IGSF11: variants seen among roughly 807,000 people sequenced by gnomAD.
IGSF11 encodes CXADR like 1.
In IGSF11, 22 loss-of-function variants were observed where a neutral mutation model predicts 41.0. That is an observed-to-expected ratio of 0.54 (90% CI 0.38 to 0.77). The LOEUF (loss-of-function observed/expected upper bound fraction) is 0.77, where lower values mean the gene tolerates loss of function less well. Among genes scored for constraint, IGSF11 ranks in the 30% least tolerant of loss-of-function variants. The pLI is 0.00. For synonymous variants in IGSF11, 219 were observed against 201.3 expected, an observed-to-expected ratio of 1.09 and a Z score of -0.74; for missense variants, 444 against 530.8, an observed-to-expected ratio of 0.84 and a Z score of 1.61.
At chr3:118,994,335 A>G (rs1286800606) in intron 1 of IGSF11, among the ~76,000 whole-genome samples, 1 of 152,178 alleles carries the variant, frequency 6.6e-6, no homozygotes, top group African/African-American at 2.4e-5. Context: ...ATAATTGGCT[A>G]AGGACTACCT....
At chr3:119,037,146 G>A (rs1940946473), upstream of IGSF11, among the ~76,000 whole-genome samples, 1 of 152,174 alleles carries the variant, frequency 6.6e-6, no homozygotes, top group African/African-American at 2.4e-5. Flanking sequence ...TAGTAATGAT[G>A]AGTTTCACCA....
upstream of IGSF11, among the ~76,000 whole-genome samples, chr3:119,035,901 A>C (rs1940871381): frequency 1.3e-5 from 2 of 152,200 alleles, no homozygotes; most frequent in Admixed American, 1.3e-4. Flanking sequence ...TCAGAAATTG[A>C]GCCCTCATCT....
chr3:118,911,245 G>C (rs1940242083), intron 4 of IGSF11, among the ~76,000 whole-genome samples: 1 of 151,000 alleles, frequency 6.6e-6, no homozygotes, highest in Non-Finnish European at 1.5e-5. Flanking sequence ...TTTGCTTCAT[G>C]TCAGAGGGCA....
upstream of IGSF11, among the ~76,000 whole-genome samples, chr3:119,039,763 C>T (rs551685015): frequency 5.9e-5 from 9 of 152,306 alleles, no homozygotes; most frequent in South Asian, 6.2e-4. Flanking sequence ...TCTTTCCCTA[C>T]GTTTTTGTAT....
intron 2 of IGSF11, among the ~76,000 whole-genome samples, chr3:118,929,180 ATCAAAGTT>A (rs374075620): frequency 3.3e-5 from 5 of 152,324 alleles, no homozygotes; most frequent in African/African-American, 1.2e-4. Flanking sequence ...AGCCTCTACT[ATCAAAGTT>A]AAGTCTTCAT....
chr3:119,094,251 A>AAAAAAAAT (rs2076812553), intron 1 of IGSF11, among the ~76,000 whole-genome samples: 1 of 125,966 alleles, frequency 7.9e-6, no homozygotes, highest in Non-Finnish European at 1.7e-5. Context: ...AAAAAAAAAA[A>AAAAAAAAT]GTTGTTGTTC....
intron 1 of IGSF11, among the ~76,000 whole-genome samples, chr3:118,945,592 A>C (rs1306746904): frequency 2.0e-5 from 3 of 152,230 alleles, no homozygotes; most frequent in Non-Finnish European, 4.4e-5. Flanking sequence ...GCAAGGAAAG[A>C]ATAGAGGAAG....
At position 119,050,165 on chromosome 3, in the gene IGSF11, A is replaced by C. The variant is rs1419569038; in HGVS notation, c.49+54979T>G. ...TTGACAAATGGGACCTAATTAAACT[A>C]AAGAGCTTCTGCACAGCAAAAGAAG... On this transcript the variant is annotated intron_variant, in intron 1 of 6. Transcript: ENST00000354673. 3.8e-4 allele frequency among the ~76,000 whole-genome samples: 58 copies of C among 151,526 alleles called. 2 individuals carry two copies. Among genetic ancestry groups the C allele is most frequent in the Non-Finnish European group, 6.2e-4 (42 of 67,744 alleles).
At chr3:119,019,013 T>C (rs1939022962) in intron 1 of IGSF11, among the ~76,000 whole-genome samples, 1 of 152,214 alleles carries the variant, frequency 6.6e-6, no homozygotes, top group African/African-American at 2.4e-5. Context: ...CAAATCCAAG[T>C]ATTTTTAAAA....
chr3:119,003,539 C>T (rs1412505582), intron 1 of IGSF11, among the ~76,000 whole-genome samples: 1 of 151,058 alleles, frequency 6.6e-6, no homozygotes, highest in Non-Finnish European at 1.5e-5. Context: ...AGAGGGCATC[C>T]CTGTTTTCAA....
chr3:119,059,047 C>T (rs1286631056), intron 1 of IGSF11, among the ~76,000 whole-genome samples: 2 of 151,466 alleles, frequency 1.3e-5, no homozygotes, highest in African/African-American at 2.4e-5. Flanking sequence ...GTGGGTGCAG[C>T]GCACCAACAT....
intron 1 of IGSF11, among the ~76,000 whole-genome samples, chr3:119,057,897 T>G (rs973776105): frequency 2.0e-5 from 3 of 152,168 alleles, no homozygotes; most frequent in Non-Finnish European, 4.4e-5. Flanking sequence ...TAATAAATGG[T>G]GCTGGGAAAA....
At chr3:119,094,553 AAG>A (rs947787503) in intron 1 of IGSF11, among the ~76,000 whole-genome samples, 60 of 152,276 alleles carry the variant, frequency 3.9e-4, no homozygotes, top group African/African-American at 1.0e-3. Flanking sequence ...GGGTGGAACA[AAG>A]AGAGAAACTG....
intron 1 of IGSF11, among the ~76,000 whole-genome samples, chr3:118,953,455 A>G (rs1380605986): frequency 6.6e-6 from 1 of 152,108 alleles, no homozygotes; most frequent in African/African-American, 2.4e-5. Context: ...ACTTTTATTA[A>G]TAGTTATTTA....
At chr3:118,906,404 T>C (rs567037522) in intron 4 of IGSF11, among the ~76,000 whole-genome samples, 3 of 152,138 alleles carry the variant, frequency 2.0e-5, no homozygotes, top group Non-Finnish European at 4.4e-5. Flanking sequence ...TTTATGGAAG[T>C]GTCCACCAGG....
At chr3:119,085,349 C>A (rs2076653249) in intron 1 of IGSF11, among the ~76,000 whole-genome samples, 2 of 152,200 alleles carry the variant, frequency 1.3e-5, no homozygotes, top group South Asian at 4.1e-4. Context: ...CTGTACAAAG[C>A]TTTAGCCCTC....
intron 2 of IGSF11, 68 bp from the exon 3 acceptor site, chr3:118,928,784 T>C (rs1247483746): frequency 5.2e-6 from 6 of 1,161,566 alleles, no homozygotes; most frequent in African/African-American, 1.5e-5. Flanking sequence ...CAATAACTAT[T>C]TGGTAGACAG....
At chr3:118,975,488 G>T (rs1462125958) in intron 1 of IGSF11, among the ~76,000 whole-genome samples, 3 of 152,094 alleles carry the variant, frequency 2.0e-5, no homozygotes. Context: ...ATTTGTGAGG[G>T]GGTCTTTAAT....
chr3:119,008,214 A>C (rs1041084963), intron 1 of IGSF11, among the ~76,000 whole-genome samples: 17 of 134,096 alleles, frequency 1.3e-4, no homozygotes, highest in African/African-American at 5.9e-4. Flanking sequence ...TTATTTCAGA[A>C]ATCTCCACAA....
Sources: allele counts gnomAD v4.1 joint callset (sites outside exome capture counted in the v4.1 genomes callset), GRCh38; gene constraint gnomAD v4.1.1; transcripts MANE v1.5; gene names NCBI Gene and HGNC (gene_info 2026-07-23, HGNC 2026-07-21).